Variants in ST3GAL4 observed in about 807,000 individuals in gnomAD.
The protein encoded by ST3GAL4 is ST3 beta-galactoside alpha-2,3-sialyltransferase 4.
A neutral mutation model predicts 42.6 loss-of-function variants in ST3GAL4; 24 were observed. The ratio of observed to expected loss-of-function variants is 0.56; its 90% CI spans 0.41 to 0.79. ST3GAL4 has a LOEUF of 0.79. Ranked by LOEUF, ST3GAL4 falls within the 30% of genes least tolerant of loss-of-function variation. The pLI, the probability that ST3GAL4 is intolerant of heterozygous loss-of-function variation, is 0.00. For missense variants in ST3GAL4, 311 were observed against 430.8 expected, an observed-to-expected ratio of 0.72 and a Z score of 2.46; for synonymous variants, 135 against 163.2, an observed-to-expected ratio of 0.83 and a Z score of 1.32.
rs973051536 is a variant in ST3GAL4 at position 126,373,275 on chromosome 11, C to T, written c.-61+17433C>T. ...AGATGGGAGGTGGGGAGTGCAACTT[C>T]CCCAATTTTGCCTTTAACTTCAGAT... is the stretch of plus-strand genomic sequence containing the variant. On this transcript the variant is annotated intron_variant, in intron 1 of 10. Coordinates refer to ENST00000444328, the MANE Select transcript of ST3GAL4 (RefSeq NM_001254757.2). The surrounding 1 kb of genome is among the most constrained non-coding windows in gnomAD (Gnocchi z 5.5). Among the ~76,000 whole-genome samples the T allele has an allele frequency of 6.6e-6, 1 of 152,136 alleles. No individual in the cohort carries two copies. Among genetic ancestry groups the T allele is most frequent in the African/African-American group, 2.4e-5 (1 of 41,430 alleles).
In ST3GAL4 at chr11:126,373,807, G is replaced by A. The variant is rs1439952574; in HGVS notation, c.-61+17965G>A. ...CTGTGCTCTCTGCCAACTCTAATGA[G>A]CCAGGAAGCCTCCCCGTGCCCAGGC... On this transcript the variant is annotated intron_variant, in intron 1 of 10. Coordinates refer to ENST00000444328, the MANE Select transcript of ST3GAL4 (RefSeq NM_001254757.2). The surrounding 1 kb of genome is among the most constrained non-coding windows in gnomAD (Gnocchi z 5.5). Among the ~76,000 whole-genome samples the A allele has an allele frequency of 6.6e-6, 1 of 152,010 alleles. No individual in the cohort carries two copies. The highest frequency in any genetic ancestry group is 1.5e-5 in the Non-Finnish European group (1 of 68,012).
At chr11:126,371,225 C>A (rs1489365441) in intron 1 of ST3GAL4, among the ~76,000 whole-genome samples, 2 of 122,126 alleles carry the variant, frequency 1.6e-5, no homozygotes, top group Non-Finnish European at 3.2e-5. Flanking sequence ...AGTGCAGTGG[C>A]GCGATCTCGG....
At chr11:126,385,443 C>T (rs1322909125) in intron 1 of ST3GAL4, among the ~76,000 whole-genome samples, 2 of 152,092 alleles carry the variant, frequency 1.3e-5, no homozygotes, top group Non-Finnish European at 2.9e-5. Context: ...TGAGCCACCG[C>T]GCCTGACCCA....
At chr11:126,407,496 A>G in intron 5 of ST3GAL4, 78 bp from the exon 6 acceptor site, 1 of 1,579,110 alleles carries the variant, frequency 6.3e-7, no homozygotes, top group South Asian at 1.1e-5. Flanking sequence ...CAGCGCTCTG[A>G]GGAGCAGTGG....
chr11:126,413,759 C>T, intron 10 of ST3GAL4, 111 bp downstream of exon 10: 2 of 1,525,994 alleles, frequency 1.3e-6, no homozygotes, highest in Non-Finnish European at 1.8e-6. Flanking sequence ...CTCCCGCAGT[C>T]AGAACTGGAA....
At chr11:126,402,676 G>T (rs1451371272) in intron 1 of ST3GAL4, among the ~76,000 whole-genome samples, 1 of 152,180 alleles carries the variant, frequency 6.6e-6, no homozygotes, top group Non-Finnish European at 1.5e-5. Flanking sequence ...TGCCCCACTT[G>T]GTTGGGCGGG....
In ST3GAL4 at chr11:126,396,340, G is replaced by A. The variant is rs1213528110; in HGVS notation, c.-60-9756G>A. ...TTCGGCAGGGAAGCCAGAGGAGTCCGCAGCCCGGGAGACCTGGCCTACAGC... is the reference window on the plus strand; with the variant it reads ...TTCGGCAGGGAAGCCAGAGGAGTCCACAGCCCGGGAGACCTGGCCTACAGC... On this transcript the variant is annotated intron_variant, in intron 1 of 10. Coordinates refer to ENST00000444328, the MANE Select transcript of ST3GAL4 (RefSeq NM_001254757.2). This position sits in a 1 kb window ranked among gnomAD's most constrained non-coding sequence, Gnocchi z 5.8. 6.6e-6 allele frequency among the ~76,000 whole-genome samples: 1 copy of A among 152,064 alleles called. No individual in the cohort carries two copies. The highest frequency in any genetic ancestry group is 2.4e-5 in the African/African-American group (1 of 41,312).
intron 1 of ST3GAL4, among the ~76,000 whole-genome samples, chr11:126,402,496 A>G (rs2135526743): frequency 1.3e-5 from 2 of 151,856 alleles, no homozygotes; most frequent in South Asian, 4.2e-4. Flanking sequence ...TGAGGACAGT[A>G]AGAGTAAGTG....
chr11:126,380,107 C>T (rs529239610), intron 1 of ST3GAL4, among the ~76,000 whole-genome samples: 34 of 151,944 alleles, frequency 2.2e-4, no homozygotes, highest in Non-Finnish European at 4.4e-4. Flanking sequence ...ACTAAAAATA[C>T]AAAAATTAGC....
At chr11:126,399,554 G>A (rs528541471) in intron 1 of ST3GAL4, among the ~76,000 whole-genome samples, 4 of 152,036 alleles carry the variant, frequency 2.6e-5, no homozygotes, top group South Asian at 2.1e-4. Context: ...TGATCCGCCC[G>A]CCTCAGCCTC....
At chr11:126,399,517 G>A (rs1306870743) in intron 1 of ST3GAL4, among the ~76,000 whole-genome samples, 1 of 151,788 alleles carries the variant, frequency 6.6e-6, no homozygotes, top group East Asian at 1.9e-4. Flanking sequence ...ATGTCAGCCA[G>A]GCTGGTCTCG....
At chr11:126,367,450 C>G (rs1002001617) in intron 1 of ST3GAL4, among the ~76,000 whole-genome samples, 2 of 152,132 alleles carry the variant, frequency 1.3e-5, no homozygotes, top group Non-Finnish European at 2.9e-5. Flanking sequence ...GGACCCCTCT[C>G]TTTGCTGGGC....
chr11:126,407,385 C>T, intron 5 of ST3GAL4, 36 bp downstream of exon 5: 2 of 1,601,134 alleles, frequency 1.2e-6, no homozygotes, highest in Non-Finnish European at 1.7e-6. Context: ...ACCATGGGCT[C>T]ACCCTGACCA....
rs1208397732 is a variant in ST3GAL4 at position 126,378,893 on chromosome 11, A to G, written c.-61+23051A>G. On this transcript the variant is annotated intron_variant, in intron 1 of 10. Transcript: ENST00000444328. The surrounding 1 kb of genome is among the most constrained non-coding windows in gnomAD (Gnocchi z 5.3). ...TGTCTCATGTAGGAATCTAGTCTTC[A>G]TAATCTGTGTCAAACCTAAGAATTT... Among the ~76,000 whole-genome samples the G allele has an allele frequency of 6.6e-6, 1 of 152,242 alleles. No individual in the cohort carries two copies. The highest frequency in any genetic ancestry group is 1.9e-4 in the East Asian group (1 of 5,194).
Position 126,397,583 on chromosome 11 carries a change from C to T in ST3GAL4, c.-60-8513C>T, listed in dbSNP as rs948225535. ...TATTACCAGAGTGGGATGGTCCCAG[C>T]GAGCGGGATGTGGAGGGTTAGGATG... On this transcript the variant is annotated intron_variant, in intron 1 of 10. Transcript: ENST00000444328. This position sits in a 1 kb window ranked among gnomAD's most constrained non-coding sequence, Gnocchi z 5.0. Among the ~76,000 whole-genome samples, 6 of 152,108 alleles carry T rather than the reference C, an allele frequency of 3.9e-5. No homozygotes were observed. Among genetic ancestry groups the T allele is most frequent in the African/African-American group, 7.2e-5 (3 of 41,430 alleles).
rs988234023 is a variant in ST3GAL4 at position 126,398,273 on chromosome 11, A to G, written c.-60-7823A>G. Among the ~76,000 whole-genome samples, 3 of 152,250 alleles carry G rather than the reference A, an allele frequency of 2.0e-5. No homozygotes were observed. The highest frequency in any genetic ancestry group is 6.5e-5 in the Admixed American group (1 of 15,292). On this transcript the variant is annotated intron_variant, in intron 1 of 10. Coordinates refer to ENST00000444328, the MANE Select transcript of ST3GAL4 (RefSeq NM_001254757.2). This position sits in a 1 kb window ranked among gnomAD's most constrained non-coding sequence, Gnocchi z 4.7. ...ATATTCCATTCCAAAAGGGAGAGATAGGCAAGAAGAAAGGGGCAACTGGTC... is the reference window on the plus strand; with the variant it reads ...ATATTCCATTCCAAAAGGGAGAGATGGGCAAGAAGAAAGGGGCAACTGGTC...
Position 126,391,940 on chromosome 11 carries a change from TG to T in ST3GAL4, c.-60-14155del, listed in dbSNP as rs1953532211. On this transcript the variant is annotated intron_variant, in intron 1 of 10. Coordinates refer to ENST00000444328, the MANE Select transcript of ST3GAL4 (RefSeq NM_001254757.2). This position sits in a 1 kb window ranked among gnomAD's most constrained non-coding sequence, Gnocchi z 5.5. The stretch of plus-strand genomic sequence containing the variant: ...GAACACCTGTGATAACTTGGTCGTG[TG>T]TGTGTGTGTGTGTGTGTGTGTGTGT... 8.2e-6 allele frequency among the ~76,000 whole-genome samples: 1 copy of T among 122,022 alleles called. No homozygotes were observed. Among genetic ancestry groups the T allele is most frequent in the African/African-American group, 3.3e-5 (1 of 30,738 alleles). 80.1% of individuals were successfully genotyped at this position (122,022 alleles called of 152,430 possible). A position where few individuals can be genotyped will look rare whatever the true frequency, so the allele number is the denominator to read the frequency against.
rs11220468 is a variant in ST3GAL4 at position 126,393,102 on chromosome 11, G to A, written c.-60-12994G>A. 0.18 allele frequency: 27,372 copies of A among 151,610 alleles called. 2,984 individuals carry two copies. The highest frequency in any genetic ancestry group is 0.45 in the East Asian group (2,291 of 5,126). The allele number at this position is 151,610 out of a possible 1,614,324, so 9.4% of individuals were successfully genotyped here. A position where few individuals can be genotyped will look rare whatever the true frequency, so the allele number is the denominator to read the frequency against. ...ACTACAGGTGTGTGCCACCACACCC[G>A]GCTAATTTTATTTTTATTTTTATAG... On this transcript the variant is annotated intron_variant, in intron 1 of 10. Transcript: ENST00000444328. The surrounding 1 kb of genome is among the most constrained non-coding windows in gnomAD (Gnocchi z 5.9).
rs149358402 is a variant in ST3GAL4, at chr11:126,359,729, CTCCCTCCT to C, written c.-61+3916_-61+3923del. 0.15 allele frequency among the ~76,000 whole-genome samples: 23,452 copies of C among 151,388 alleles called. 2,808 individuals are homozygous for C. Among genetic ancestry groups the C allele is most frequent in the East Asian group, 0.66 (3,352 of 5,042 alleles). The stretch of plus-strand genomic sequence containing the variant: ...GCGGGGCAGGACAAGGTTCTTCTCC[CTCCCTCCT>C]TCCCTCCTTCCCTCCTTCCCTCCTT... On this transcript the variant is annotated intron_variant, in intron 1 of 10. Coordinates refer to ENST00000444328, the MANE Select transcript of ST3GAL4 (RefSeq NM_001254757.2). The surrounding 1 kb of genome is among the most constrained non-coding windows in gnomAD (Gnocchi z 4.8).
Sources: gnomAD v4.1 joint callset for allele counts (sites outside exome capture counted in the v4.1 genomes callset) on GRCh38, gnomAD v4.1.1 for gene constraint, Gnocchi (gnomAD v3.1) non-coding constraint, MANE v1.5 for transcripts, NCBI Gene and HGNC (gene_info 2026-07-23, HGNC 2026-07-21) for gene names.